Variants in C12orf42 observed in about 807,000 individuals in gnomAD.
C12orf42 encodes the protein chromosome 12 open reading frame 42.
A neutral mutation model predicts 21.6 loss-of-function variants in C12orf42; 25 were observed. The observed-to-expected ratio is 1.16, with a 90% CI of 0.84 to 1.62. The LOEUF (loss-of-function observed/expected upper bound fraction) is 1.62, where lower values mean the gene tolerates loss of function less well. Among genes scored for constraint, C12orf42 ranks in the 40% most tolerant of loss-of-function variants. The pLI is 0.00. For missense variants in C12orf42, 483 were observed against 459.3 expected, an observed-to-expected ratio of 1.05 and a Z score of -0.47; for synonymous variants, 174 against 175.0, an observed-to-expected ratio of 0.99 and a Z score of 0.05.
chr12:103,269,137 T>A (rs2035316237), intron 6 of C12orf42, among the ~76,000 whole-genome samples: 1 of 152,154 alleles, frequency 6.6e-6, no homozygotes, highest in Admixed American at 6.6e-5. Flanking sequence ...GTTTTAAGGA[T>A]CTCTGTTCAT....
the C12orf42 span, among the ~76,000 whole-genome samples, chr12:103,128,501 C>G: frequency 6.6e-6 from 1 of 152,186 alleles, no homozygotes; most frequent in Non-Finnish European, 1.5e-5. Context: ...TTTGATTTAG[C>G]AAACTCAGTA....
In C12orf42 at chr12:103,302,343, T is replaced by G; in HGVS notation, c.848A>C (p.Glu283Ala). 6.2e-7 allele frequency: 1 copy of G among 1,613,928 alleles called. No homozygotes were observed. The highest frequency in any genetic ancestry group is 8.5e-7 in the Non-Finnish European group (1 of 1,179,870). The stretch of plus-strand genomic sequence containing the variant: ...GGTATGAGGATGCTTGGGGAGCATC[T>G]CCGGCGCCATGGCAACCGCGCCTTT... The part of the protein sequence containing the change: ...VGKGAVAMAP[E>A]MLPKHPHTPR... Residue 283 changes from glutamate (E) to alanine (A), a missense_variant, in exon 6 of 6, where the codon GAG becomes GCG. By Grantham distance (107) the Glu-to-Ala change is moderately radical. Transcript: ENST00000548883.
intron 2 of C12orf42, among the ~76,000 whole-genome samples, chr12:103,405,871 C>T (rs558141999): frequency 6.6e-6 from 1 of 152,214 alleles, no homozygotes; most frequent in East Asian, 1.9e-4. Flanking sequence ...TCTATCCAAG[C>T]AGAGGATCAA....
intron 2 of C12orf42, among the ~76,000 whole-genome samples, chr12:103,433,202 C>T (rs1158342313): frequency 6.6e-6 from 1 of 152,170 alleles, no homozygotes; most frequent in Non-Finnish European, 1.5e-5. Flanking sequence ...AATAAAACCA[C>T]AAGAAATTCT....
the C12orf42 span, among the ~76,000 whole-genome samples, chr12:103,056,342 C>T: frequency 3.9e-5 from 6 of 152,080 alleles, no homozygotes; most frequent in African/African-American, 1.4e-4. Flanking sequence ...CATTTTCTCC[C>T]TAGAGGTGCC....
At chr12:103,245,831 G>A (rs2033982741) in intron 10 of C12orf42, among the ~76,000 whole-genome samples, 1 of 152,078 alleles carries the variant, frequency 6.6e-6, no homozygotes, top group Non-Finnish European at 1.5e-5. Flanking sequence ...GCAGTCTGTT[G>A]GCTATCAGGT....
At chr12:103,553,746 G>A in the C12orf42 span, among the ~76,000 whole-genome samples, 4 of 152,120 alleles carry the variant, frequency 2.6e-5, no homozygotes, top group Non-Finnish European at 4.4e-5. Flanking sequence ...TTTAGTAAGT[G>A]CCCAGATGGT....
chr12:103,407,181 T>A (rs11111555), intron 2 of C12orf42, among the ~76,000 whole-genome samples: 94,224 of 151,800 alleles, frequency 0.62, 30,297 homozygotes, highest in Admixed American at 0.73. Flanking sequence ...GTGTCTCCCA[T>A]CAGGATGATT....
chr12:103,248,795 T>A (rs1210796723), intron 10 of C12orf42, among the ~76,000 whole-genome samples: 1 of 152,054 alleles, frequency 6.6e-6, no homozygotes, highest in Non-Finnish European at 1.5e-5. Flanking sequence ...TAAAAATGGT[T>A]TCTGGAAAGA....
At chr12:103,117,500 A>G in the C12orf42 span, among the ~76,000 whole-genome samples, 789 of 152,326 alleles carry the variant, frequency 5.2e-3, 5 homozygotes, top group South Asian at 0.017. Flanking sequence ...GATTTAAACG[A>G]TGGCTGCCAT....
the C12orf42 span, among the ~76,000 whole-genome samples, chr12:103,222,090 G>T: frequency 1.3e-5 from 2 of 152,246 alleles, no homozygotes; most frequent in African/African-American, 2.4e-5. Context: ...GCATATTTTT[G>T]AGTTAATCAG....
At chr12:103,504,799 G>A in the C12orf42 span, 1 of 154,232 alleles carries the variant, frequency 6.5e-6, no homozygotes, top group African/African-American at 2.4e-5. Flanking sequence ...GGGTACTGGG[G>A]TTTCTGATGA....
chr12:103,277,272 T>C (rs890569456), intron 4 of C12orf42: 50 of 382,036 alleles, frequency 1.3e-4, no homozygotes, highest in African/African-American at 6.0e-4. Context: ...AATTCAAAAA[T>C]TATAATAAAC....
chr12:103,563,293 C>T, the C12orf42 span, among the ~76,000 whole-genome samples: 4 of 152,234 alleles, frequency 2.6e-5, no homozygotes, highest in East Asian at 7.7e-4. Context: ...CCTCTGATCC[C>T]CTTGTCAATT....
intron 4 of C12orf42, among the ~76,000 whole-genome samples, chr12:103,291,923 T>G (rs1181526343): frequency 6.6e-6 from 1 of 152,138 alleles, no homozygotes; most frequent in Admixed American, 6.6e-5. Flanking sequence ...CAGCACTGCA[T>G]GCAAGAGAAA....
At chr12:103,321,851 T>A (rs1483008322) in intron 4 of C12orf42, among the ~76,000 whole-genome samples, 3 of 148,684 alleles carry the variant, frequency 2.0e-5, no homozygotes, top group Non-Finnish European at 4.5e-5. Context: ...AACATCACAC[T>A]CTGGGGCCTG....
chr12:103,506,880 T>TATATATATATTTATATATA, the C12orf42 span, among the ~76,000 whole-genome samples: 1 of 57,402 alleles, frequency 1.7e-5, no homozygotes, highest in African/African-American at 7.2e-5. Context: ...ATTTATATAT[T>TATATATATATTTATATATA]ATATATTAAA....
chr12:103,204,414 A>T, the C12orf42 span, among the ~76,000 whole-genome samples: 1 of 152,140 alleles, frequency 6.6e-6, no homozygotes, highest in South Asian at 2.1e-4. Context: ...TGAAATGATC[A>T]TGTCTACTGA....
chr12:103,226,266 C>T, the C12orf42 span, among the ~76,000 whole-genome samples: 7 of 152,106 alleles, frequency 4.6e-5, no homozygotes, highest in Non-Finnish European at 1.0e-4. Context: ...GGAATTGCAA[C>T]TTTTTTCTGT....
Sources: allele counts gnomAD v4.1 joint callset (sites outside exome capture counted in the v4.1 genomes callset), GRCh38; gene constraint gnomAD v4.1.1; transcripts MANE v1.5; gene names NCBI Gene and HGNC (gene_info 2026-07-23, HGNC 2026-07-21).